The following REG4 variants were observed in gnomAD, a reference collection of about 807,000 sequenced individuals.
REG4 encodes the protein regenerating family member 4, also known as regenerating islet-derived protein 4.
A neutral mutation model predicts 22.3 loss-of-function variants in REG4; 16 were observed. That is an observed-to-expected ratio of 0.72 (90% CI 0.49 to 1.09). REG4 has a LOEUF of 1.09. Ranked by LOEUF, REG4 falls within the 50% of genes least tolerant of loss-of-function variation. The pLI is 0.00. For synonymous variants in REG4, 71 were observed against 69.2 expected, an observed-to-expected ratio of 1.03 and a Z score of -0.13; for missense variants, 214 against 193.9, an observed-to-expected ratio of 1.10 and a Z score of -0.61.
intron 1 of REG4, among the ~76,000 whole-genome samples, chr1:119,809,670 T>C (rs587718577): frequency 6.6e-6 from 1 of 152,328 alleles, no homozygotes; most frequent in East Asian, 1.9e-4. Context: ...ATAACTTTCA[T>C]GCATTTTTTA....
chr1:119,805,279 C>T (rs771954475), intron 2 of REG4, among the ~76,000 whole-genome samples: 1 of 152,170 alleles, frequency 6.6e-6, no homozygotes, highest in African/African-American at 2.4e-5. Context: ...CAGAAAGGGA[C>T]AGCTGCGAAA....
intron 2 of REG4, among the ~76,000 whole-genome samples, chr1:119,806,569 G>A (rs866211284): frequency 6.6e-6 from 1 of 152,172 alleles, no homozygotes; most frequent in Non-Finnish European, 1.5e-5. Context: ...GATAGGTGTG[G>A]ATAACCATTT....
chr1:119,795,702 A>G (rs898980250), intron 5 of REG4, among the ~76,000 whole-genome samples: 1 of 151,548 alleles, frequency 6.6e-6, no homozygotes, highest in African/African-American at 2.4e-5. Context: ...TGCCCCTCCC[A>G]CTCCTGGTTC....
At chr1:119,804,062 G>A (rs1654213685) in intron 2 of REG4, among the ~76,000 whole-genome samples, 1 of 152,184 alleles carries the variant, frequency 6.6e-6, no homozygotes. Flanking sequence ...TAAAGAGGGG[G>A]AGATGGCTGG....
chr1:119,799,267 C>T (rs758696337), intron 4 of REG4, among the ~76,000 whole-genome samples: 7 of 151,676 alleles, frequency 4.6e-5, no homozygotes, highest in Non-Finnish European at 1.0e-4. Flanking sequence ...ATGAAAAGAA[C>T]AGGAAGTTAC....
chr1:119,801,687 G>A (rs1027494130), intron 3 of REG4: 2 of 152,310 alleles, frequency 1.3e-5, no homozygotes, highest in African/African-American at 4.8e-5. Flanking sequence ...CATGCAAGAA[G>A]AGCCAAGGGC....
intron 1 of REG4, among the ~76,000 whole-genome samples, 174 bp downstream of exon 1, chr1:119,811,235 T>C (rs1654487999): frequency 6.6e-6 from 1 of 152,180 alleles, no homozygotes; most frequent in South Asian, 2.1e-4. Context: ...GCCAATGCTC[T>C]TTGCAGTGAA....
chr1:119,801,541 CT>C lies in REG4; in HGVS notation c.165+1526del, dbSNP rs1654100300. The C allele has an allele frequency of 2.6e-5, 4 of 152,268 alleles. No individual in the cohort carries two copies. In the South Asian group the frequency reaches 8.3e-4, roughly 32 times the overall value. 9.4% of individuals were successfully genotyped at this position (152,268 alleles called of 1,614,324 possible). ...AGGCTTGAAGTATGTACGTGATAGC[CT>C]CCCTCCCAGTCCACACAACTGGTAC... On this transcript the variant is annotated intron_variant, in intron 3 of 5. Transcript: ENST00000256585.
At chr1:119,796,475 G>T (rs587630413) in intron 5 of REG4, among the ~76,000 whole-genome samples, 1 of 152,246 alleles carries the variant, frequency 6.6e-6, no homozygotes, top group Admixed American at 6.5e-5. Context: ...TCTTTCTAAA[G>T]AGTTATAAAA....
intron 1 of REG4, among the ~76,000 whole-genome samples, chr1:119,810,981 G>A (rs1299676477): frequency 2.0e-5 from 3 of 152,194 alleles, no homozygotes; most frequent in Admixed American, 1.3e-4. Flanking sequence ...TTGAACCTGG[G>A]AGGCAGAAGT....
intron 2 of REG4, among the ~76,000 whole-genome samples, chr1:119,803,953 C>A (rs749912269): frequency 6.6e-6 from 1 of 152,132 alleles, no homozygotes; most frequent in Non-Finnish European, 1.5e-5. Flanking sequence ...TAGGAAAGAG[C>A]CAGGGCCTAG....
chr1:119,800,477 T>G (rs1184492713), intron 3 of REG4, among the ~76,000 whole-genome samples: 1 of 152,148 alleles, frequency 6.6e-6, no homozygotes, highest in East Asian at 1.9e-4. Flanking sequence ...GCACCTCACA[T>G]TCGGTCCTAA....
chr1:119,804,902 G>T (rs1400030927), intron 2 of REG4, among the ~76,000 whole-genome samples: 1 of 151,702 alleles, frequency 6.6e-6, no homozygotes. Flanking sequence ...ACCCTGCAAG[G>T]TGCTTTCTTG....
intron 3 of REG4, chr1:119,802,795 G>A: frequency 2.7e-6 from 4 of 1,485,964 alleles, no homozygotes; most frequent in East Asian, 2.5e-5. Flanking sequence ...CTCCTTTACT[G>A]ACAGTGAGCT....
chr1:119,810,669 G>T (rs746752283), intron 1 of REG4, among the ~76,000 whole-genome samples: 6 of 152,316 alleles, frequency 3.9e-5, no homozygotes, highest in East Asian at 1.9e-4. Flanking sequence ...ACCATCTGGG[G>T]GAAGGGAGAG....
intron 5 of REG4, among the ~76,000 whole-genome samples, chr1:119,795,990 GTCTGCTTTTCC>G (rs1653930329): frequency 6.6e-6 from 1 of 152,234 alleles, no homozygotes; most frequent in Non-Finnish European, 1.5e-5. Context: ...TAAGCAAGAG[GTCTGCTTTTCC>G]CACCTCATCA....
chr1:119,799,624 C>G, intron 4 of REG4, 101 bp downstream of exon 4: 1 of 1,455,476 alleles, frequency 6.9e-7, no homozygotes, highest in Non-Finnish European at 9.3e-7. Context: ...GGAGAAGATC[C>G]ACCCGCTGTG....
At chr1:119,802,787 C>T in intron 3 of REG4, 1 of 1,481,006 alleles carries the variant, frequency 6.8e-7, no homozygotes, top group Non-Finnish European at 9.0e-7. Flanking sequence ...ATTTCTGTCT[C>T]CTTTACTGAC....
At chr1:119,808,920 T>C (rs1654414181) in intron 1 of REG4, 57 bp from the exon 2 acceptor site, 2 of 546,844 alleles carry the variant, frequency 3.7e-6, no homozygotes, top group African/African-American at 1.9e-5. Flanking sequence ...AACTAATACA[T>C]ATGGAGGAAA....
Sources: allele counts gnomAD v4.1 joint callset (sites outside exome capture counted in the v4.1 genomes callset), GRCh38; gene constraint gnomAD v4.1.1; transcripts MANE v1.5; gene names NCBI Gene and HGNC (gene_info 2026-07-23, HGNC 2026-07-21).